The following GAN variants were observed in gnomAD, a reference collection of about 807,000 sequenced individuals.
GAN encodes the protein epididymis secretory sperm binding protein.
Under a neutral mutation model 71.3 loss-of-function variants are expected in GAN, and 48 were observed. The ratio of observed to expected loss-of-function variants is 0.67; its 90% CI spans 0.53 to 0.86. GAN has a LOEUF of 0.86. Ranked by LOEUF, GAN falls within the 40% of genes least tolerant of loss-of-function variation. The pLI is 0.00. For missense variants in GAN, 928 were observed against 770.1 expected, an observed-to-expected ratio of 1.21 and a Z score of -2.43; for synonymous variants, 386 against 276.8, an observed-to-expected ratio of 1.39 and a Z score of -3.92.
At chr16:81,334,732 G>A (rs1355659820) in intron 1 of GAN, among the ~76,000 whole-genome samples, 3 of 152,306 alleles carry the variant, frequency 2.0e-5, no homozygotes, top group Middle Eastern at 6.8e-3. Context: ...GGGATGGAGT[G>A]CAGAAAAGCT....
intron 1 of GAN, among the ~76,000 whole-genome samples, chr16:81,328,828 A>C (rs896080901): frequency 1.3e-5 from 2 of 152,152 alleles, no homozygotes; most frequent in African/African-American, 4.8e-5. Flanking sequence ...TTTTTCTCTG[A>C]AGGGTTAGAA....
At chr16:81,362,737 A>G (rs11862778) in intron 6 of GAN, 126 bp downstream of exon 6, 17,640 of 713,320 alleles carry the variant, frequency 0.025, 565 homozygotes, top group East Asian at 0.13. Context: ...ATTCGCTCCA[A>G]CCTCTCCTTC....
intron 1 of GAN, among the ~76,000 whole-genome samples, chr16:81,341,519 A>G (rs955744426): frequency 6.6e-6 from 1 of 152,234 alleles, no homozygotes; most frequent in Admixed American, 6.5e-5. Flanking sequence ...AGAATTTCAT[A>G]TCTAGCCAAA....
intron 5 of GAN, among the ~76,000 whole-genome samples, chr16:81,359,820 C>T (rs1260944118): frequency 6.6e-6 from 1 of 151,892 alleles, no homozygotes; most frequent in Non-Finnish European, 1.5e-5. Context: ...AGATTAACGA[C>T]AATAACTGAT....
intron 1 of GAN, among the ~76,000 whole-genome samples, chr16:81,349,515 G>A (rs571085612): frequency 6.6e-6 from 1 of 152,178 alleles, no homozygotes; most frequent in African/African-American, 2.4e-5. Flanking sequence ...GTGGTGGTGT[G>A]AGCCTGTAGT....
chr16:81,371,407 T>C (rs1597410541), intron 9 of GAN, among the ~76,000 whole-genome samples: 1 of 152,214 alleles, frequency 6.6e-6, no homozygotes, highest in Admixed American at 6.5e-5. Context: ...ATGGTTACTA[T>C]TATGTTTTTG....
chr16:81,351,536 T>C, intron 1 of GAN, 47 bp from the exon 2 acceptor site: 1 of 806,596 alleles, frequency 1.2e-6, no homozygotes, highest in South Asian at 1.3e-5. Context: ...TATTTATAGC[T>C]ATTTCTGTTC....
chr16:81,384,911 G>A lies in GAN; in HGVS notation c.*7315G>A, dbSNP rs1055511687. On this transcript the variant is annotated 3_prime_UTR_variant, in exon 11 of 11. Transcript: ENST00000648994. ...AGTTGTAGGCAAGACTCTTCCTCTC[G>A]GGAGATCTTGTAATAATGGCCCAGT... 4 of 154,060 alleles carry A rather than the reference G, an allele frequency of 2.6e-5. No homozygotes were observed. Among genetic ancestry groups the A allele is most frequent in the Non-Finnish European group, 4.4e-5 (3 of 68,098 alleles). 9.5% of individuals were successfully genotyped at this position (154,060 alleles called of 1,614,324 possible).
intron 3 of GAN, 72 bp from the exon 4 acceptor site, chr16:81,356,713 A>G: frequency 9.3e-7 from 1 of 1,075,068 alleles, no homozygotes; most frequent in South Asian, 1.2e-5. Context: ...ATGAGGTGGA[A>G]AATGTAGATT....
intron 9 of GAN, among the ~76,000 whole-genome samples, chr16:81,375,538 C>T (rs1210924560): frequency 1.3e-5 from 2 of 151,982 alleles, no homozygotes; most frequent in African/African-American, 4.8e-5. Context: ...TGTTGCCCAG[C>T]TGGTCTTGAA....
chr16:81,335,678 C>T (rs1238816034), intron 1 of GAN, among the ~76,000 whole-genome samples: 5 of 138,922 alleles, frequency 3.6e-5, no homozygotes, highest in East Asian at 2.2e-4. Context: ...ACTCGGGAGG[C>T]GGAGGTTGCA....
intron 1 of GAN, among the ~76,000 whole-genome samples, chr16:81,329,268 T>C (rs530976183): frequency 5.3e-5 from 8 of 152,174 alleles, no homozygotes; most frequent in African/African-American, 1.7e-4. Context: ...GATGTGCACA[T>C]GTTGAACAAA....
chr16:81,369,370 T>A (rs1041220843), intron 9 of GAN, among the ~76,000 whole-genome samples: 2 of 151,944 alleles, frequency 1.3e-5, no homozygotes, highest in African/African-American at 4.8e-5. Context: ...CATGAAAGAG[T>A]AGAAAATGCA....
intron 3 of GAN, among the ~76,000 whole-genome samples, chr16:81,356,301 T>C (rs1298639143): frequency 2.0e-5 from 3 of 152,230 alleles, no homozygotes; most frequent in Admixed American, 2.0e-4. Context: ...AAAATGATTA[T>C]ATAGTACTCA....
chr16:81,331,586 C>A (rs532348952), intron 1 of GAN, among the ~76,000 whole-genome samples: 1 of 152,142 alleles, frequency 6.6e-6, no homozygotes, highest in Non-Finnish European at 1.5e-5. Context: ...CCATTTCCCT[C>A]AAGGCAAAGT....
chr16:81,368,494 C>G (rs1910933763), intron 9 of GAN, among the ~76,000 whole-genome samples: 1 of 152,188 alleles, frequency 6.6e-6, no homozygotes, highest in African/African-American at 2.4e-5. Flanking sequence ...GTGGTCCCAG[C>G]TACTTGGAAG....
chr16:81,352,967 G>C (rs76257369), intron 2 of GAN, among the ~76,000 whole-genome samples: 6,277 of 152,280 alleles, frequency 0.041, 252 homozygotes, highest in African/African-American at 0.1. Context: ...TACAGATTGA[G>C]TTCTGTGATT....
In GAN at chr16:81,377,549, C is replaced by A; in HGVS notation, c.1747C>A (p.Leu583Met). ...CATTGCGAATTGCAAGCTTTTCCGC[C>A]TGCAGCTTCAGCAAGGCTTATTCCG... ...LRIANCKLFR[L>M]QLQQGLFRIR... The change falls in exon 11 of 11, where the codon CTG (leucine) becomes ATG (methionine). Residue 583 changes from leucine to methionine, a missense_variant. Leu to Met is a conservative substitution (Grantham distance 15). Coordinates refer to ENST00000648994, the MANE Select transcript of GAN (RefSeq NM_022041.4). The A allele has an allele frequency of 1.9e-6, 3 of 1,614,214 alleles. No homozygotes were observed. The highest frequency in any genetic ancestry group is 2.2e-5 in the South Asian group (2 of 91,082).
chr16:81,339,844 A>G (rs1909883757), intron 1 of GAN, among the ~76,000 whole-genome samples: 1 of 152,152 alleles, frequency 6.6e-6, no homozygotes, highest in Non-Finnish European at 1.5e-5. Flanking sequence ...AGGGCAGGAT[A>G]GGATGATGGG....
Sources: gnomAD v4.1 joint callset for allele counts (sites outside exome capture counted in the v4.1 genomes callset) on GRCh38, gnomAD v4.1.1 for gene constraint, MANE v1.5 for transcripts, NCBI Gene and HGNC (gene_info 2026-07-23, HGNC 2026-07-21) for gene names.